The following SCMH1 variants were observed in gnomAD, a reference collection of about 807,000 sequenced individuals.
SCMH1 encodes the protein Scm polycomb group protein homolog 1, also known as polycomb protein SCMH1.
SCMH1 carries 37 observed loss-of-function variants against 70.8 expected under a neutral mutation model. The observed-to-expected ratio is 0.52, with a 90% confidence interval of 0.40 to 0.69. The LOEUF is 0.69. Among genes scored for constraint, SCMH1 ranks in the 30% least tolerant of loss-of-function variants. The pLI is 0.00. For missense variants in SCMH1, 607 were observed against 827.3 expected, an observed-to-expected ratio of 0.73 and a Z score of 3.27; for synonymous variants, 292 against 307.4, an observed-to-expected ratio of 0.95 and a Z score of 0.52.
At chr1:41,226,985 G>A (rs939165894) in intron 1 of SCMH1, among the ~76,000 whole-genome samples, 9 of 152,224 alleles carry the variant, frequency 5.9e-5, no homozygotes, top group African/African-American at 2.2e-4. Flanking sequence ...CTAGCCCACA[G>A]AAGAAAGGGT....
chr1:41,161,070 T>C (rs1435940751), intron 3 of SCMH1, among the ~76,000 whole-genome samples, 172 bp from the exon 4 acceptor site: 3 of 152,124 alleles, frequency 2.0e-5, no homozygotes, highest in African/African-American at 7.2e-5. Flanking sequence ...CCACCCAATT[T>C]TGCCTATTCC....
intron 1 of SCMH1, among the ~76,000 whole-genome samples, chr1:41,194,783 G>A (rs2148685414): frequency 6.6e-6 from 1 of 152,266 alleles, no homozygotes; most frequent in East Asian, 1.9e-4. Context: ...CAGATTTCTT[G>A]GGCAGTGTGG....
At chr1:41,075,028 A>C (rs1657818944) in intron 9 of SCMH1, among the ~76,000 whole-genome samples, 191 bp downstream of exon 9, 1 of 152,030 alleles carries the variant, frequency 6.6e-6, no homozygotes, top group African/African-American at 2.4e-5. Flanking sequence ...ACGCCTGGTT[A>C]ATTTTTTGTA....
At chr1:41,153,595 C>T (rs529066131) in intron 4 of SCMH1, among the ~76,000 whole-genome samples, 4 of 152,156 alleles carry the variant, frequency 2.6e-5, no homozygotes, top group African/African-American at 9.7e-5. Flanking sequence ...AGGCTAGAAA[C>T]CTCAGCCCTT....
intron 6 of SCMH1, among the ~76,000 whole-genome samples, chr1:41,121,024 C>T (rs1335232358): frequency 3.9e-5 from 6 of 152,174 alleles, no homozygotes; most frequent in African/African-American, 1.4e-4. Flanking sequence ...TTTCTGGTGC[C>T]AGACTGCCTG....
chr1:41,132,255 T>A (rs138292447), intron 6 of SCMH1, among the ~76,000 whole-genome samples: 95 of 152,344 alleles, frequency 6.2e-4, no homozygotes, highest in African/African-American at 2.2e-3. Flanking sequence ...TGGCGTGAGA[T>A]GGTATCTCAC....
At chr1:41,229,637 G>A (rs930958200) in intron 1 of SCMH1, among the ~76,000 whole-genome samples, 4 of 152,152 alleles carry the variant, frequency 2.6e-5, no homozygotes, top group Admixed American at 2.6e-4. Flanking sequence ...AATACCTAAT[G>A]TAAATGACAA....
intron 8 of SCMH1, among the ~76,000 whole-genome samples, chr1:41,090,580 C>A (rs1306154352): frequency 6.6e-6 from 1 of 151,770 alleles, no homozygotes; most frequent in East Asian, 1.9e-4. Flanking sequence ...TCCCAATAAC[C>A]CTGATTTAAT....
chr1:41,233,434 C>G (rs777534341), intron 1 of SCMH1, among the ~76,000 whole-genome samples: 2 of 152,004 alleles, frequency 1.3e-5, no homozygotes, highest in African/African-American at 4.8e-5. Context: ...TCATAGTTAC[C>G]TAAGAGTAAC....
chr1:41,032,660 A>G (rs1644696436), intron 13 of SCMH1, among the ~76,000 whole-genome samples: 1 of 152,128 alleles, frequency 6.6e-6, no homozygotes, highest in Non-Finnish European at 1.5e-5. Context: ...AACAGACTTC[A>G]GGGGGACATG....
intron 1 of SCMH1, among the ~76,000 whole-genome samples, chr1:41,197,599 T>A (rs1653331751): frequency 6.6e-6 from 1 of 152,084 alleles, no homozygotes; most frequent in Non-Finnish European, 1.5e-5. Context: ...TTAAAAAAAA[T>A]TCTAGGGATG....
At chr1:41,074,604 C>A (rs1657616338) in intron 9 of SCMH1, among the ~76,000 whole-genome samples, 1 of 152,024 alleles carries the variant, frequency 6.6e-6, no homozygotes, top group Non-Finnish European at 1.5e-5. Flanking sequence ...ACACGCTGGA[C>A]ATCTACTTTG....
chr1:41,146,561 T>G (rs1177462297), intron 5 of SCMH1, among the ~76,000 whole-genome samples: 1 of 152,088 alleles, frequency 6.6e-6, no homozygotes, highest in Non-Finnish European at 1.5e-5. Context: ...TTTTTTACTG[T>G]ACCTTTTCCA....
chr1:41,052,588 G>A (rs926834661), intron 10 of SCMH1, among the ~76,000 whole-genome samples: 2 of 152,174 alleles, frequency 1.3e-5, no homozygotes, highest in Non-Finnish European at 2.9e-5. Context: ...TCATATCCCC[G>A]TGATTAAGTA....
intron 8 of SCMH1, among the ~76,000 whole-genome samples, chr1:41,093,410 T>C (rs916095969): frequency 2.0e-5 from 3 of 149,396 alleles, no homozygotes; most frequent in Non-Finnish European, 4.5e-5. Context: ...TTAGGAGATA[T>C]ACCTAATGTA....
At chr1:41,085,027 A>G (rs1173432751) in intron 8 of SCMH1, among the ~76,000 whole-genome samples, 1 of 150,876 alleles carries the variant, frequency 6.6e-6, no homozygotes, top group East Asian at 1.9e-4. Context: ...CCTAATGCTA[A>G]ATGACGAGTT....
intron 1 of SCMH1, among the ~76,000 whole-genome samples, chr1:41,195,131 C>CAAAAAAA (rs35569635): frequency 3.8e-5 from 1 of 26,244 alleles, no homozygotes; most frequent in Non-Finnish European, 6.4e-5. Flanking sequence ...AACTCTCTCT[C>CAAAAAAA]AAAAAAAAAA....
At chr1:41,178,073 G>A (rs1337792746) in intron 2 of SCMH1, among the ~76,000 whole-genome samples, 1 of 152,084 alleles carries the variant, frequency 6.6e-6, no homozygotes, top group East Asian at 1.9e-4. Context: ...AAGAGAGCAG[G>A]GACCAATATT....
intron 10 of SCMH1, among the ~76,000 whole-genome samples, chr1:41,064,983 A>G (rs960828699): frequency 6.6e-6 from 1 of 152,216 alleles, no homozygotes; most frequent in African/African-American, 2.4e-5. Context: ...ATACCTGGGT[A>G]TAAGTTAAAC....
Sources: allele counts gnomAD v4.1 joint callset (sites outside exome capture counted in the v4.1 genomes callset), GRCh38; gene constraint gnomAD v4.1.1; transcripts MANE v1.5; gene names NCBI Gene and HGNC (gene_info 2026-07-23, HGNC 2026-07-21).